Variants in RAB35 observed in about 807,000 individuals in gnomAD.
RAB35 encodes ras-related protein Rab-35.
Under a neutral mutation model 28.9 loss-of-function variants are expected in RAB35, and 4 were observed. The observed-to-expected ratio is 0.14, with a 90% CI of 0.07 to 0.32. The LOEUF is 0.32. Ranked by LOEUF, RAB35 falls within the 10% of genes least tolerant of loss-of-function variation. The pLI, the probability that RAB35 is intolerant of heterozygous loss-of-function variation, is 1.00. For missense variants in RAB35, 128 were observed against 274.0 expected (o/e 0.47, Z 3.76); for synonymous variants, 99 against 105.1 (o/e 0.94, Z 0.35).
chr12:120,101,558 C>A (rs1267196654), intron 3 of RAB35, among the ~76,000 whole-genome samples: 2 of 152,258 alleles, frequency 1.3e-5, no homozygotes, highest in African/African-American at 4.8e-5. Flanking sequence ...CTACTGCATC[C>A]TGACTGCCCT....
intron 2 of RAB35, among the ~76,000 whole-genome samples, chr12:120,107,074 C>G (rs1594242733): frequency 6.6e-6 from 1 of 151,890 alleles, no homozygotes; most frequent in Admixed American, 6.6e-5. Context: ...CTGCAACCTC[C>G]CTCTCCCGGA....
intron 3 of RAB35, among the ~76,000 whole-genome samples, chr12:120,101,035 G>A (rs915944836): frequency 4.6e-5 from 7 of 152,212 alleles, no homozygotes; most frequent in South Asian, 2.1e-4. Flanking sequence ...CTCCCTGGGC[G>A]CCTCTGCCTC....
intron 1 of RAB35, among the ~76,000 whole-genome samples, chr12:120,110,852 T>C (rs1876088051): frequency 6.6e-6 from 1 of 152,172 alleles, no homozygotes; most frequent in South Asian, 2.1e-4. Flanking sequence ...GGGCTCATGC[T>C]CAGGGCCACT....
At chr12:120,099,604 G>A (rs10161261) in intron 3 of RAB35, 16,529 of 187,202 alleles carry the variant, frequency 0.088, 1,039 homozygotes, top group African/African-American at 0.18. Context: ...CCATCATGAC[G>A]CCCTGGCAAA....
chr12:120,106,496 C>G (rs1363438729), intron 2 of RAB35, among the ~76,000 whole-genome samples: 2 of 152,122 alleles, frequency 1.3e-5, no homozygotes, highest in East Asian at 1.9e-4. Context: ...AACACCACAC[C>G]ACTAGTGAGA....
chr12:120,104,183 G>A (rs568387550), intron 2 of RAB35, among the ~76,000 whole-genome samples: 7 of 152,256 alleles, frequency 4.6e-5, no homozygotes, highest in South Asian at 2.1e-4. Flanking sequence ...GACAATTTCC[G>A]AGAGTGAAAA....
At chr12:120,106,275 T>C (rs1283620890) in intron 2 of RAB35, among the ~76,000 whole-genome samples, 3 of 152,204 alleles carry the variant, frequency 2.0e-5, no homozygotes, top group Non-Finnish European at 2.9e-5. Context: ...GCTATCATTC[T>C]TAAACAGAAG....
At chr12:120,099,327 A>G in intron 3 of RAB35, 173 bp from the exon 4 acceptor site, 1 of 833,812 alleles carries the variant, frequency 1.2e-6, no homozygotes, top group Non-Finnish European at 1.8e-6. Context: ...CCAGCAGGAG[A>G]GGCTACTGCG....
At chr12:120,102,838 CGA>C (rs1875712120) in intron 3 of RAB35, among the ~76,000 whole-genome samples, 1 of 152,178 alleles carries the variant, frequency 6.6e-6, no homozygotes, top group African/African-American at 2.4e-5. Context: ...AGGAGCTGCT[CGA>C]GAGAGCCAAG....
intron 3 of RAB35, among the ~76,000 whole-genome samples, chr12:120,100,249 C>A (rs890385902): frequency 2.0e-5 from 3 of 152,256 alleles, no homozygotes; most frequent in Non-Finnish European, 4.4e-5. Flanking sequence ...CATCAGCTCT[C>A]TGGCCAATGC....
chr12:120,112,978 C>T (rs1271911225), intron 1 of RAB35, among the ~76,000 whole-genome samples: 1 of 151,378 alleles, frequency 6.6e-6, no homozygotes, highest in Non-Finnish European at 1.5e-5. Context: ...GCAACATCCG[C>T]CTCCTGGGTT....
At chr12:120,114,761 C>T (rs1261522252) in intron 1 of RAB35, among the ~76,000 whole-genome samples, 2 of 152,206 alleles carry the variant, frequency 1.3e-5, no homozygotes, top group East Asian at 1.9e-4. Context: ...TGTGAGAAAG[C>T]GGGCCAAACC....
chr12:120,097,009 CAG>C lies in RAB35; in HGVS notation c.*234_*235del. On this transcript the variant is annotated 3_prime_UTR_variant, in exon 6 of 6. Transcript: ENST00000229340. Reference sequence around the variant, plus strand: ...CGGCGGGCAGCGTCCTCGCCAGGTCCAGGCGCCTTGGCCGGGGAGGAGGGGGC... The same window carrying C: ...CGGCGGGCAGCGTCCTCGCCAGGTCCGCGCCTTGGCCGGGGAGGAGGGGGC... 1 of 1,507,326 alleles carries C rather than the reference CAG, an allele frequency of 6.6e-7. No individual in the cohort carries two copies. The highest frequency in any genetic ancestry group is 8.9e-7 in the Non-Finnish European group (1 of 1,129,002). 93.4% of individuals were successfully genotyped at this position (1,507,326 alleles called of 1,614,324 possible).
At position 120,096,379 on chromosome 12, in the gene RAB35, T is replaced by G. The variant is rs1310861304; in HGVS notation, c.*866A>C. 1 of 1,235,892 alleles carries G rather than the reference T, an allele frequency of 8.1e-7. No individual in the cohort carries two copies. 76.6% of individuals were successfully genotyped at this position (1,235,892 alleles called of 1,614,324 possible). ...GGGAAAGAAAATAATTGTGAGGAAT[T>G]TAATTCACTTGATTTGGCTTCATTT... On this transcript the variant is annotated 3_prime_UTR_variant, in exon 6 of 6. Transcript: ENST00000229340.
chr12:120,105,718 T>C (rs1005028360), intron 2 of RAB35, among the ~76,000 whole-genome samples: 1 of 151,506 alleles, frequency 6.6e-6, no homozygotes, highest in Non-Finnish European at 1.5e-5. Context: ...GGTCAGGAGA[T>C]CAAGACCATC....
chr12:120,102,684 C>T (rs1594239612), intron 3 of RAB35, among the ~76,000 whole-genome samples: 1 of 152,342 alleles, frequency 6.6e-6, no homozygotes, highest in East Asian at 1.9e-4. Context: ...GGGCGCTGCA[C>T]CCCACACTTC....
rs1464137897 is a variant in RAB35, at chr12:120,096,415, TTAAAA to T, written c.*825_*829del. On this transcript the variant is annotated 3_prime_UTR_variant, in exon 6 of 6. Coordinates refer to ENST00000229340, the MANE Select transcript of RAB35 (RefSeq NM_006861.7). ...GATTTGGCTTCATTTTCTTGATCTG[TTAAAA>T]TAATCCTCCCATAGCCCCCCTGCCA... 4 of 1,278,228 alleles carry T rather than the reference TTAAAA, an allele frequency of 3.1e-6. No homozygotes were observed. The Admixed American group carries it at 7.2e-5, about 23-fold the overall frequency. 79.2% of individuals were successfully genotyped at this position (1,278,228 alleles called of 1,614,324 possible).
In RAB35 at chr12:120,096,898, CAAG is replaced by C; in HGVS notation, c.*344_*346del. ...AGGGTCTGTTGCAGCAGGCTGGCATCAAGAAGGCAAAAGCCAGAGCAGGACGTG... is the reference window on the plus strand; with the variant it reads ...AGGGTCTGTTGCAGCAGGCTGGCATCAAGGCAAAAGCCAGAGCAGGACGTG... On this transcript the variant is annotated 3_prime_UTR_variant, in exon 6 of 6. Coordinates refer to ENST00000229340, the MANE Select transcript of RAB35 (RefSeq NM_006861.7). 7.6e-7 allele frequency: 1 copy of C among 1,321,942 alleles called. No homozygotes were observed. The highest frequency in any genetic ancestry group is 9.9e-7 in the Non-Finnish European group (1 of 1,010,372). 81.9% of individuals were successfully genotyped at this position (1,321,942 alleles called of 1,614,324 possible). A position where few individuals can be genotyped will look rare whatever the true frequency, so the allele number is the denominator to read the frequency against.
In RAB35 at chr12:120,108,482, G is replaced by A; in HGVS notation, c.53-15C>T. 1 of 1,613,202 alleles carries A rather than the reference G, an allele frequency of 6.2e-7. No homozygotes were observed. Among genetic ancestry groups the A allele is most frequent in the Non-Finnish European group, 8.5e-7 (1 of 1,179,232 alleles). On this transcript the variant is annotated splice_polypyrimidine_tract_variant and intron_variant, in intron 1 of 5. Transcript: ENST00000229340. ...CTTGCCCACACCTGCAAGAGAGAAA[G>A]CACTGCGATGAGGGGGGCAGGTGGG...
Sources: gnomAD v4.1 joint callset for allele counts (sites outside exome capture counted in the v4.1 genomes callset) on GRCh38, gnomAD v4.1.1 for gene constraint, MANE v1.5 for transcripts, NCBI Gene and HGNC (gene_info 2026-07-23, HGNC 2026-07-21) for gene names.